AK7: variants seen among roughly 807,000 people sequenced by gnomAD.
AK7 encodes the protein adenylate kinase 7.
AK7 carries 78 observed loss-of-function variants against 96.6 expected under a neutral mutation model. That is an observed-to-expected ratio of 0.81 (90% CI 0.67 to 0.97). The LOEUF is 0.97. Ranked by LOEUF, AK7 falls within the 50% of genes least tolerant of loss-of-function variation. The pLI, the probability that AK7 is intolerant of heterozygous loss-of-function variation, is 0.00. For synonymous variants in AK7, 302 were observed against 317.2 expected, an observed-to-expected ratio of 0.95 and a Z score of 0.51; for missense variants, 855 against 887.9, an observed-to-expected ratio of 0.96 and a Z score of 0.47.
chr14:96,411,513 A>C (rs751858805), intron 4 of AK7, among the ~76,000 whole-genome samples: 5 of 152,122 alleles, frequency 3.3e-5, no homozygotes, highest in Non-Finnish European at 4.4e-5. Flanking sequence ...CCTGTCTCAA[A>C]AAAAAAAATA....
At chr14:96,476,459 C>T (rs932452908) in intron 14 of AK7, among the ~76,000 whole-genome samples, 5 of 150,034 alleles carry the variant, frequency 3.3e-5, no homozygotes, top group Non-Finnish European at 7.4e-5. Flanking sequence ...GAGCCAAGAT[C>T]GCGCCACCGC....
At chr14:96,407,832 C>G (rs550803393) in intron 3 of AK7, among the ~76,000 whole-genome samples, 1 of 152,038 alleles carries the variant, frequency 6.6e-6, no homozygotes, top group Non-Finnish European at 1.5e-5. Flanking sequence ...CCGCCCGCCT[C>G]GGCCTCCCAA....
At chr14:96,424,431 A>G (rs1891905214) in intron 5 of AK7, among the ~76,000 whole-genome samples, 1 of 152,212 alleles carries the variant, frequency 6.6e-6, no homozygotes, top group African/African-American at 2.4e-5. Flanking sequence ...CATCTTCAAG[A>G]GTCTCATAAA....
At chr14:96,474,265 C>G (rs959354208) in intron 14 of AK7, among the ~76,000 whole-genome samples, 1 of 151,994 alleles carries the variant, frequency 6.6e-6, no homozygotes, top group Non-Finnish European at 1.5e-5. Context: ...TCTGGAAGGA[C>G]TGAGACCACC....
intron 12 of AK7, among the ~76,000 whole-genome samples, chr14:96,461,278 C>T (rs996835358): frequency 2.0e-5 from 3 of 152,146 alleles, no homozygotes; most frequent in African/African-American, 4.8e-5. Context: ...GCAAGACCCC[C>T]CATGTCTACA....
intron 12 of AK7, among the ~76,000 whole-genome samples, chr14:96,470,472 T>A (rs1894823549): frequency 6.6e-6 from 1 of 151,928 alleles, no homozygotes; most frequent in African/African-American, 2.4e-5. Flanking sequence ...TATGATGGAG[T>A]GATGGATATT....
intron 12 of AK7, among the ~76,000 whole-genome samples, chr14:96,469,859 C>A (rs186986017): frequency 1.1e-3 from 170 of 151,928 alleles, no homozygotes; most frequent in Non-Finnish European, 1.9e-3. Flanking sequence ...CTCTTGTTGC[C>A]CAGGCTAGAG....
chr14:96,432,714 G>A (rs1280684779), intron 5 of AK7, among the ~76,000 whole-genome samples: 1 of 151,920 alleles, frequency 6.6e-6, no homozygotes, highest in African/African-American at 2.4e-5. Flanking sequence ...GCCAGGCGCG[G>A]TGGCTCATGC....
At chr14:96,470,344 T>A (rs919361304) in intron 12 of AK7, among the ~76,000 whole-genome samples, 5 of 151,998 alleles carry the variant, frequency 3.3e-5, no homozygotes, top group African/African-American at 1.2e-4. Flanking sequence ...TAGTACAAAC[T>A]CTGGAAAGAG....
intron 6 of AK7, among the ~76,000 whole-genome samples, chr14:96,441,437 G>A (rs561872446): frequency 7.2e-5 from 11 of 152,012 alleles, no homozygotes; most frequent in Admixed American, 1.3e-4. Flanking sequence ...TCAGGAGTTC[G>A]AGACCAGCCT....
At chr14:96,420,038 A>C (rs1237103900) in intron 4 of AK7, among the ~76,000 whole-genome samples, 3 of 150,152 alleles carry the variant, frequency 2.0e-5, no homozygotes, top group East Asian at 4.0e-4. Flanking sequence ...GCTAATTTTC[A>C]TATTTTTAGT....
At chr14:96,437,710 T>C (rs1244843944) in intron 5 of AK7, 125 bp from the exon 6 acceptor site, 2 of 641,698 alleles carry the variant, frequency 3.1e-6, no homozygotes, top group Non-Finnish European at 5.3e-6. Flanking sequence ...TCCCGAACAA[T>C]ACTCAGTAAC....
chr14:96,424,898 C>A (rs74961319), intron 5 of AK7, among the ~76,000 whole-genome samples: 2,109 of 152,238 alleles, frequency 0.014, 51 homozygotes, highest in African/African-American at 0.049. Context: ...TATGCTTACA[C>A]ATATAAAGCT....
chr14:96,442,416 G>A (rs929630498), intron 6 of AK7, among the ~76,000 whole-genome samples: 2 of 152,172 alleles, frequency 1.3e-5, no homozygotes, highest in Non-Finnish European at 2.9e-5. Context: ...CGGCTGAGAG[G>A]TTGTAGATTT....
intron 2 of AK7, among the ~76,000 whole-genome samples, chr14:96,403,897 C>A (rs1890553667): frequency 1.3e-5 from 2 of 152,108 alleles, no homozygotes; most frequent in Non-Finnish European, 1.5e-5. Context: ...GTAATCCCAA[C>A]CTTTTGGGAG....
chr14:96,392,311 C>T (rs1262361932), intron 1 of AK7, 52 bp downstream of exon 1: 2 of 1,516,402 alleles, frequency 1.3e-6, no homozygotes, highest in Non-Finnish European at 1.8e-6. Context: ...GCTCCCAGCC[C>T]TCGGCCCCCG....
intron 7 of AK7, among the ~76,000 whole-genome samples, chr14:96,445,176 A>G (rs141154429): frequency 1.3e-5 from 2 of 152,310 alleles, no homozygotes; most frequent in African/African-American, 2.4e-5. Context: ...CACTTGTTCT[A>G]TTTTATGGAA....
chr14:96,393,456 A>G (rs1889872207), intron 1 of AK7, among the ~76,000 whole-genome samples: 1 of 152,226 alleles, frequency 6.6e-6, no homozygotes, highest in Non-Finnish European at 1.5e-5. Context: ...GAAGTCCAAG[A>G]TCAAGGTGTC....
At chr14:96,418,686 T>G (rs1225102535) in intron 4 of AK7, among the ~76,000 whole-genome samples, 1 of 151,886 alleles carries the variant, frequency 6.6e-6, no homozygotes, top group Non-Finnish European at 1.5e-5. Context: ...GCCCAGCTAA[T>G]TTATGTATTT....
Sources: allele counts gnomAD v4.1 joint callset (sites outside exome capture counted in the v4.1 genomes callset), GRCh38; gene constraint gnomAD v4.1.1; transcripts MANE v1.5; gene names NCBI Gene and HGNC (gene_info 2026-07-23, HGNC 2026-07-21).